CLEC16A: variants seen among roughly 807,000 people sequenced by gnomAD.
CLEC16A encodes the protein protein CLEC16A.
Under a neutral mutation model 109.5 loss-of-function variants are expected in CLEC16A, and 51 were observed. The ratio of observed to expected loss-of-function variants is 0.47; its 90% confidence interval spans 0.37 to 0.59. The LOEUF is 0.59. Ranked by LOEUF, CLEC16A falls within the 20% of genes least tolerant of loss-of-function variation. CLEC16A has a pLI of 0.00. For synonymous variants in CLEC16A, 673 were observed against 564.2 expected (o/e 1.19, Z -2.73); for missense variants, 1,339 against 1,394.0 (o/e 0.96, Z 0.63).
intron 19 of CLEC16A, 105 bp from the exon 20 acceptor site, chr16:11,120,510 A>T: frequency 8.0e-7 from 1 of 1,243,614 alleles, no homozygotes; most frequent in Non-Finnish European, 1.1e-6. Flanking sequence ...CCTGGGCTCT[A>T]ACCACTGAGC....
Position 11,139,239 on chromosome 16 carries a change from A to G in CLEC16A, c.2641+13093A>G, listed in dbSNP as rs753896498. ...TGGCCCACTCATAGCTTGGCTTGTCATCTCAGACAGAACCTCCAAGCTTGG... is the reference window on the plus strand; with the variant it reads ...TGGCCCACTCATAGCTTGGCTTGTCGTCTCAGACAGAACCTCCAAGCTTGG... On this transcript the variant is annotated intron_variant, in intron 22 of 23. Transcript: ENST00000409790. Among the ~76,000 whole-genome samples, 5 of 152,032 alleles carry G rather than the reference A, an allele frequency of 3.3e-5. No homozygotes were observed. The East Asian group carries it at 5.8e-4, about 18-fold the overall frequency.
intron 23 of CLEC16A, among the ~76,000 whole-genome samples, chr16:11,166,890 A>G (rs916823701): frequency 6.6e-6 from 1 of 152,108 alleles, no homozygotes; most frequent in Non-Finnish European, 1.5e-5. Flanking sequence ...GGGGTCTCCC[A>G]AGGGGATTGT....
At chr16:11,151,867 G>A (rs1177587609) in intron 22 of CLEC16A, among the ~76,000 whole-genome samples, 1 of 152,184 alleles carries the variant, frequency 6.6e-6, no homozygotes, top group Admixed American at 6.5e-5. Context: ...CCTTTCAAAT[G>A]GAGCCAACTT....
chr16:11,003,024 C>G (rs202185720), intron 10 of CLEC16A, 50 bp from the exon 11 acceptor site: 2 of 1,457,286 alleles, frequency 1.4e-6, no homozygotes, highest in South Asian at 1.3e-5. Flanking sequence ...TAGCATCCAG[C>G]AGGATTCTAG....
At chr16:11,130,539 C>T (rs986600540) in intron 22 of CLEC16A, among the ~76,000 whole-genome samples, 17 of 152,234 alleles carry the variant, frequency 1.1e-4, no homozygotes, top group African/African-American at 3.9e-4. Context: ...TCCTCCTACT[C>T]AGAGTTTTAC....
intron 1 of CLEC16A, among the ~76,000 whole-genome samples, chr16:10,950,146 T>G (rs1351229709): frequency 6.6e-6 from 1 of 152,180 alleles, no homozygotes; most frequent in African/African-American, 2.4e-5. Flanking sequence ...CGGCCTTGAG[T>G]TAGACCCTCA....
At chr16:10,981,815 G>C (rs949364120) in intron 9 of CLEC16A, among the ~76,000 whole-genome samples, 1 of 152,216 alleles carries the variant, frequency 6.6e-6, no homozygotes, top group Non-Finnish European at 1.5e-5. Flanking sequence ...TCTGTCAGGG[G>C]TTCTTAACTA....
intron 19 of CLEC16A, among the ~76,000 whole-genome samples, chr16:11,106,609 C>T (rs1273122994): frequency 6.6e-6 from 1 of 152,022 alleles, no homozygotes; most frequent in Non-Finnish European, 1.5e-5. Context: ...CCTCAGCCTC[C>T]TGAGTTGTGG....
At chr16:10,981,110 C>G (rs950826240) in intron 9 of CLEC16A, among the ~76,000 whole-genome samples, 3 of 152,208 alleles carry the variant, frequency 2.0e-5, no homozygotes, top group Non-Finnish European at 2.9e-5. Flanking sequence ...GAAATGAGCA[C>G]TGTGTGTGTC....
intron 13 of CLEC16A, among the ~76,000 whole-genome samples, chr16:11,035,083 C>T (rs932599852): frequency 5.9e-5 from 9 of 152,154 alleles, no homozygotes; most frequent in African/African-American, 1.2e-4. Flanking sequence ...ATCTAATGTT[C>T]GCCACAAATT....
chr16:11,003,109 C>G lies in CLEC16A; in HGVS notation c.1107C>G (p.Thr369=), dbSNP rs201475050. 3 of 1,613,342 alleles carry G rather than the reference C, an allele frequency of 1.9e-6. No individual in the cohort carries two copies. The highest frequency in any genetic ancestry group is 2.2e-5 in the East Asian group (1 of 44,864). Reference sequence around the variant, plus strand: ...GCATTCGGTGCTTCATTAAACCCACCGAGACACTCGAGCGGTCCCTTGAGA... The same window carrying G: ...GCATTCGGTGCTTCATTAAACCCACGGAGACACTCGAGCGGTCCCTTGAGA... ...KPSIRCFIKP[T]ETLERSLEMN... Residue 369 remains threonine, a synonymous_variant, in exon 11 of 24, where the codon ACC becomes ACG. Transcript: ENST00000409790.
chr16:10,960,510 T>G (rs1305867423), intron 2 of CLEC16A, among the ~76,000 whole-genome samples: 1 of 152,238 alleles, frequency 6.6e-6, no homozygotes, highest in East Asian at 1.9e-4. Context: ...AATATCCACA[T>G]GACATCCTGG....
intron 22 of CLEC16A, among the ~76,000 whole-genome samples, chr16:11,156,913 G>GCC (rs2054547675): frequency 2.1e-5 from 2 of 93,778 alleles, no homozygotes; most frequent in East Asian, 3.2e-4. Flanking sequence ...CAGCCCAAAT[G>GCC]CCCGCCCCCC....
intron 12 of CLEC16A, among the ~76,000 whole-genome samples, chr16:11,020,715 GCA>G (rs2046048357): frequency 6.6e-6 from 1 of 152,226 alleles, no homozygotes; most frequent in Non-Finnish European, 1.5e-5. Context: ...TCCCTGCCCT[GCA>G]CACACAAACA....
chr16:11,120,805 G>A (rs1476816861), intron 20 of CLEC16A, 39 bp downstream of exon 20: 1 of 1,412,740 alleles, frequency 7.1e-7, no homozygotes, highest in South Asian at 1.5e-5. Flanking sequence ...TTCTCAGTTG[G>A]CTACAAACAC....
intron 19 of CLEC16A, among the ~76,000 whole-genome samples, chr16:11,073,169 G>A (rs781035785): frequency 5.3e-5 from 8 of 152,190 alleles, no homozygotes; most frequent in Non-Finnish European, 1.0e-4. Context: ...ATTGCAAGGC[G>A]AGTGTGGTTT....
intron 22 of CLEC16A, among the ~76,000 whole-genome samples, chr16:11,161,115 C>G (rs2054707065): frequency 6.6e-6 from 1 of 152,128 alleles, no homozygotes; most frequent in Non-Finnish European, 1.5e-5. Context: ...TTAAGCCTTC[C>G]CAATAAAGTG....
intron 23 of CLEC16A, among the ~76,000 whole-genome samples, chr16:11,175,478 G>A (rs2068709715): frequency 6.6e-6 from 1 of 152,210 alleles, no homozygotes; most frequent in South Asian, 2.1e-4. Context: ...TTGCAGCTCA[G>A]CACTTGACTA....
chr16:11,005,154 A>G (rs2044921293), intron 11 of CLEC16A, among the ~76,000 whole-genome samples: 1 of 152,202 alleles, frequency 6.6e-6, no homozygotes, highest in Non-Finnish European at 1.5e-5. Context: ...AGCTGTGACT[A>G]ACAGTGGTGT....
Sources: gnomAD v4.1 joint callset for allele counts (sites outside exome capture counted in the v4.1 genomes callset) on GRCh38, gnomAD v4.1.1 for gene constraint, MANE v1.5 for transcripts, NCBI Gene and HGNC (gene_info 2026-07-23, HGNC 2026-07-21) for gene names.